The following MTCL2 variants were observed in gnomAD, a reference collection of about 807,000 sequenced individuals.
The protein encoded by MTCL2 is microtubule cross-linking factor 2.
chr20:36,824,943 CTT>C, the MTCL2 span, among the ~76,000 whole-genome samples: 5 of 141,610 alleles, frequency 3.5e-5, no homozygotes, highest in Admixed American at 7.1e-5. Flanking sequence ...GAATTGTACA[CTT>C]TTTTTTTTTT....
the MTCL2 span, among the ~76,000 whole-genome samples, chr20:36,807,988 G>A: frequency 3.7e-5 from 5 of 136,300 alleles, no homozygotes; most frequent in East Asian, 2.5e-4. Context: ...CCATTCTCCC[G>A]CCTCAGCCTC....
At chr20:36,819,348 G>T in the MTCL2 span, among the ~76,000 whole-genome samples, 1 of 152,230 alleles carries the variant, frequency 6.6e-6, no homozygotes, top group East Asian at 1.9e-4. Context: ...ATACATGCTT[G>T]CTCCATCCCC....
At chr20:36,857,120 A>C in the MTCL2 span, among the ~76,000 whole-genome samples, 5 of 151,980 alleles carry the variant, frequency 3.3e-5, no homozygotes, top group Non-Finnish European at 4.4e-5. Context: ...AGATGTGCAG[A>C]CTTCTGTGGA....
the MTCL2 span, chr20:36,839,438 C>T: frequency 3.7e-6 from 6 of 1,612,860 alleles, no homozygotes; most frequent in South Asian, 3.3e-5. This position sits in a 1 kb window ranked among gnomAD's most constrained non-coding sequence, Gnocchi z 5.1. Context: ...TCCTCAATCT[C>T]GTCCTGCGGA....
At chr20:36,862,054 C>T in the MTCL2 span, among the ~76,000 whole-genome samples, 3 of 152,250 alleles carry the variant, frequency 2.0e-5, no homozygotes, top group Non-Finnish European at 4.4e-5. Context: ...TGAACCGGTT[C>T]TCCCACGACA....
chr20:36,807,503 TG>T, the MTCL2 span, among the ~76,000 whole-genome samples: 1 of 152,158 alleles, frequency 6.6e-6, no homozygotes, highest in East Asian at 1.9e-4. Flanking sequence ...CTGACATCCT[TG>T]TAAGTCCCCT....
the MTCL2 span, among the ~76,000 whole-genome samples, chr20:36,807,893 T>G: frequency 7.5e-6 from 1 of 133,972 alleles, no homozygotes; most frequent in African/African-American, 3.0e-5. Flanking sequence ...TTTTTTTTTT[T>G]GAGAAGGAGT....
At chr20:36,844,926 G>C in the MTCL2 span, among the ~76,000 whole-genome samples, 1 of 149,344 alleles carries the variant, frequency 6.7e-6, no homozygotes, top group Non-Finnish European at 1.5e-5. Flanking sequence ...CAGGAGAATT[G>C]CTTGAACCCA....
chr20:36,791,549 G>T, the MTCL2 span, among the ~76,000 whole-genome samples: 2 of 152,266 alleles, frequency 1.3e-5, no homozygotes, highest in Non-Finnish European at 2.9e-5. Context: ...ATGTCTCTGT[G>T]CCCCACAGCA....
At chr20:36,792,823 T>TATATATAG in the MTCL2 span, among the ~76,000 whole-genome samples, 1 of 149,786 alleles carries the variant, frequency 6.7e-6, no homozygotes, top group South Asian at 2.1e-4. Context: ...TTTTATTTTA[T>TATATATAG]ATATATAGAT....
the MTCL2 span, among the ~76,000 whole-genome samples, chr20:36,827,004 C>T: frequency 1.3e-5 from 2 of 150,806 alleles, no homozygotes; most frequent in Non-Finnish European, 2.9e-5. Flanking sequence ...TCATAGGCTG[C>T]GTACAGTTAT....
the MTCL2 span, among the ~76,000 whole-genome samples, chr20:36,813,030 C>T: frequency 1.3e-5 from 2 of 152,204 alleles, no homozygotes; most frequent in East Asian, 1.9e-4. Flanking sequence ...GCACTGCTGC[C>T]GTTTAATGAA....
chr20:36,824,766 C>A, the MTCL2 span, among the ~76,000 whole-genome samples: 1 of 151,858 alleles, frequency 6.6e-6, no homozygotes, highest in Admixed American at 6.6e-5. Flanking sequence ...AATTCTCCCA[C>A]CTCAACCTCT....
At chr20:36,821,410 C>T in the MTCL2 span, among the ~76,000 whole-genome samples, 1 of 152,186 alleles carries the variant, frequency 6.6e-6, no homozygotes, top group Non-Finnish European at 1.5e-5. Flanking sequence ...TGCCTGTAAT[C>T]CCAGCTACTC....
the MTCL2 span, among the ~76,000 whole-genome samples, chr20:36,858,399 C>A: frequency 3.2e-5 from 3 of 94,974 alleles, no homozygotes; most frequent in South Asian, 1.4e-3. Flanking sequence ...GGAAAACACA[C>A]ACACACACAC....
At chr20:36,796,443 G>T in the MTCL2 span, among the ~76,000 whole-genome samples, 1 of 152,204 alleles carries the variant, frequency 6.6e-6, no homozygotes, top group Non-Finnish European at 1.5e-5. Context: ...CAGTGGAGAC[G>T]TGGTCCTTAT....
the MTCL2 span, among the ~76,000 whole-genome samples, chr20:36,851,447 C>T: frequency 6.6e-6 from 1 of 152,216 alleles, no homozygotes; most frequent in African/African-American, 2.4e-5. Context: ...CCCTCGACGC[C>T]TCCTCTCACT....
chr20:36,836,786 C>G, the MTCL2 span, among the ~76,000 whole-genome samples: 5 of 152,156 alleles, frequency 3.3e-5, 1 homozygote, highest in Admixed American at 3.3e-4. Flanking sequence ...TGAGCCTCCA[C>G]CTCTGGCGGA....
the MTCL2 span, among the ~76,000 whole-genome samples, chr20:36,789,224 G>T: frequency 6.6e-6 from 1 of 152,164 alleles, no homozygotes; most frequent in African/African-American, 2.4e-5. Flanking sequence ...AGCCAGCTTT[G>T]TGCTGTTGTT....
Sources: allele counts gnomAD v4.1 joint callset (sites outside exome capture counted in the v4.1 genomes callset), GRCh38; gene constraint gnomAD v4.1.1; non-coding constraint Gnocchi (gnomAD v3.1); transcripts MANE v1.5; gene names NCBI Gene and HGNC (gene_info 2026-07-23, HGNC 2026-07-21).